Variants in DLGAP2 observed in about 807,000 individuals in gnomAD.
DLGAP2 encodes DLG associated protein 2.
A neutral mutation model predicts 100.3 loss-of-function variants in DLGAP2; 26 were observed. The observed-to-expected ratio is 0.26, with a 90% CI of 0.19 to 0.36. The LOEUF (loss-of-function observed/expected upper bound fraction) is 0.36, where lower values mean the gene tolerates loss of function less well. Among genes scored for constraint, DLGAP2 ranks in the 10% least tolerant of loss-of-function variants. The pLI is 1.00. For synonymous variants in DLGAP2, 886 were observed against 630.1 expected (o/e 1.41, Z -6.08); for missense variants, 1,858 against 1,453.2 (o/e 1.28, Z -4.53).
At chr8:1,122,153 C>G (rs1796064094) in intron 2 of DLGAP2, among the ~76,000 whole-genome samples, 2 of 152,294 alleles carry the variant, frequency 1.3e-5, no homozygotes, top group South Asian at 4.1e-4. Flanking sequence ...AGGTTCCGGT[C>G]TTGTTTATGG....
At chr8:930,164 G>A (rs186685748) in intron 2 of DLGAP2, among the ~76,000 whole-genome samples, 3 of 152,130 alleles carry the variant, frequency 2.0e-5, no homozygotes, top group Non-Finnish European at 4.4e-5. Context: ...TTAGAAAAGT[G>A]AGTGACTCAC....
intron 2 of DLGAP2, among the ~76,000 whole-genome samples, chr8:1,232,490 G>C (rs61510273): frequency 1.3e-5 from 2 of 152,130 alleles, no homozygotes; most frequent in Non-Finnish European, 2.9e-5. Context: ...CCTCCGTCTC[G>C]AACCTCACGT....
chr8:1,106,972 C>G (rs1267916944), intron 2 of DLGAP2, among the ~76,000 whole-genome samples: 5 of 151,156 alleles, frequency 3.3e-5, no homozygotes, highest in Non-Finnish European at 7.3e-5. Context: ...TGGGAAGAGT[C>G]TTGCCAGATA....
At chr8:1,198,528 G>A (rs1320518620) in intron 2 of DLGAP2, among the ~76,000 whole-genome samples, 2 of 152,106 alleles carry the variant, frequency 1.3e-5, no homozygotes, top group African/African-American at 4.8e-5. Flanking sequence ...TCGGGGGAAG[G>A]GGCTGCGAGG....
intron 3 of DLGAP2, among the ~76,000 whole-genome samples, chr8:1,481,406 AATCTT>A (rs1277605022): frequency 3.3e-5 from 5 of 151,838 alleles, no homozygotes; most frequent in African/African-American, 1.2e-4. Flanking sequence ...TTTCCAGAAA[AATCTT>A]AAGAGGAAGG....
At chr8:1,666,769 G>T (rs1312884943) in intron 8 of DLGAP2, among the ~76,000 whole-genome samples, 1 of 152,016 alleles carries the variant, frequency 6.6e-6, no homozygotes, top group Non-Finnish European at 1.5e-5. Context: ...GGCTTGTTTT[G>T]TCGTTTGTCC....
intron 3 of DLGAP2, among the ~76,000 whole-genome samples, chr8:1,430,005 TAC>T (rs202229370): frequency 0.095 from 7,283 of 76,780 alleles, 1,681 homozygotes; most frequent in African/African-American, 0.28. Context: ...TGCATATATA[TAC>T]ATATATATAT....
At chr8:1,544,297 C>G (rs977008410) in intron 4 of DLGAP2, among the ~76,000 whole-genome samples, 6 of 152,132 alleles carry the variant, frequency 3.9e-5, no homozygotes, top group Non-Finnish European at 8.8e-5. Flanking sequence ...TTTTGGGTTT[C>G]TCATTGCTAA....
chr8:917,250 C>T (rs577009116), intron 2 of DLGAP2, among the ~76,000 whole-genome samples: 2 of 140,122 alleles, frequency 1.4e-5, no homozygotes, highest in East Asian at 2.5e-4. Flanking sequence ...TTCCTTCCTT[C>T]CTTTCTTCCT....
At chr8:1,204,020 A>C (rs916768400) in intron 2 of DLGAP2, among the ~76,000 whole-genome samples, 1 of 152,232 alleles carries the variant, frequency 6.6e-6, no homozygotes, top group African/African-American at 2.4e-5. Flanking sequence ...AGTGCTCTTG[A>C]AACTTCAATG....
intron 2 of DLGAP2, among the ~76,000 whole-genome samples, chr8:1,189,902 C>T (rs1035312278): frequency 1.3e-5 from 2 of 152,134 alleles, no homozygotes; most frequent in African/African-American, 2.4e-5. Flanking sequence ...GGGTAACTCA[C>T]GGCTTTGGGT....
At chr8:808,094 C>A (rs780053427) in intron 1 of DLGAP2, among the ~76,000 whole-genome samples, 12 of 152,204 alleles carry the variant, frequency 7.9e-5, no homozygotes, top group Admixed American at 1.3e-4. Context: ...TCAGCCTTAC[C>A]TGTCATATGG....
chr8:1,693,001 A>G (rs116982099), intron 13 of DLGAP2, among the ~76,000 whole-genome samples: 3,512 of 148,268 alleles, frequency 0.024, 64 homozygotes, highest in Middle Eastern at 0.037. Flanking sequence ...ATACAAGATT[A>G]TAATCATATG....
At chr8:1,313,161 G>C (rs1307231151) in intron 3 of DLGAP2, among the ~76,000 whole-genome samples, 1 of 152,170 alleles carries the variant, frequency 6.6e-6, no homozygotes, top group Admixed American at 6.5e-5. Flanking sequence ...TATAGACATA[G>C]AACATCACTG....
At chr8:813,268 A>C (rs907455616) in intron 1 of DLGAP2, among the ~76,000 whole-genome samples, 1 of 152,154 alleles carries the variant, frequency 6.6e-6, no homozygotes, top group African/African-American at 2.4e-5. Context: ...TCAAAACGAA[A>C]AAAAAACCAA....
chr8:1,142,579 C>A (rs1447877236), intron 2 of DLGAP2, among the ~76,000 whole-genome samples: 1 of 152,134 alleles, frequency 6.6e-6, no homozygotes, highest in African/African-American at 2.4e-5. Flanking sequence ...CTGAAAAGGG[C>A]AGGTCTCAAT....
At chr8:1,463,409 C>T (rs1321793699) in intron 3 of DLGAP2, among the ~76,000 whole-genome samples, 1 of 152,212 alleles carries the variant, frequency 6.6e-6, no homozygotes, top group Non-Finnish European at 1.5e-5. Context: ...AGAGAGAACC[C>T]AGCATGGCTA....
intron 2 of DLGAP2, among the ~76,000 whole-genome samples, chr8:1,042,671 G>A (rs922006333): frequency 3.9e-5 from 6 of 152,176 alleles, no homozygotes; most frequent in African/African-American, 1.2e-4. Context: ...CTGGGGGCTT[G>A]GATGTAGGTG....
chr8:859,301 A>G (rs981988508), intron 1 of DLGAP2, among the ~76,000 whole-genome samples: 3 of 152,136 alleles, frequency 2.0e-5, no homozygotes, highest in Non-Finnish European at 4.4e-5. Flanking sequence ...TAATATAGGC[A>G]GGGTTTCACC....
Sources: allele counts gnomAD v4.1 joint callset (sites outside exome capture counted in the v4.1 genomes callset), GRCh38; gene constraint gnomAD v4.1.1; transcripts MANE v1.5; gene names NCBI Gene and HGNC (gene_info 2026-07-23, HGNC 2026-07-21).